SAMD5: variants seen among roughly 807,000 people sequenced by gnomAD.
The protein encoded by SAMD5 is sterile alpha motif domain-containing protein 5.
Under a neutral mutation model 11.3 loss-of-function variants are expected in SAMD5, and 13 were observed. That is an observed-to-expected ratio of 1.15 (90% CI 0.75 to 1.83). The LOEUF (loss-of-function observed/expected upper bound fraction) is 1.83. SAMD5 is among the 40% of genes most tolerant of loss of function. SAMD5 has a pLI of 0.00. For missense variants in SAMD5, 255 were observed against 239.1 expected, an observed-to-expected ratio of 1.07 and a Z score of -0.44; for synonymous variants, 129 against 111.3, an observed-to-expected ratio of 1.16 and a Z score of -1.00.
intron 1 of SAMD5, among the ~76,000 whole-genome samples, chr6:147,608,418 G>C (rs1411532324): frequency 1.3e-5 from 2 of 152,152 alleles, no homozygotes. Flanking sequence ...GAACAGATAA[G>C]AAAATGTGGT....
intron 1 of SAMD5, among the ~76,000 whole-genome samples, chr6:147,674,240 T>A (rs1790833314): frequency 6.6e-6 from 1 of 152,124 alleles, no homozygotes; most frequent in Non-Finnish European, 1.5e-5. Context: ...TTCTCCTAGG[T>A]AATGGAGATG....
the SAMD5 span, among the ~76,000 whole-genome samples, chr6:147,896,266 C>T: frequency 6.6e-6 from 1 of 151,912 alleles, no homozygotes; most frequent in Non-Finnish European, 1.5e-5. Context: ...ATAAGACGGC[C>T]AAGGTCTGAT....
the SAMD5 span, among the ~76,000 whole-genome samples, chr6:147,774,239 G>C: frequency 6.6e-6 from 1 of 152,090 alleles, no homozygotes; most frequent in Non-Finnish European, 1.5e-5. Flanking sequence ...ACTGTGGCCT[G>C]GTAGGGTTAG....
In SAMD5 at chr6:147,566,926, T is replaced by A. The variant is rs1461233574; in HGVS notation, c.*2470T>A. On this transcript the variant is annotated 3_prime_UTR_variant, in exon 2 of 2. Coordinates refer to ENST00000367474, the MANE Select transcript of SAMD5 (RefSeq NM_001030060.3). The stretch of plus-strand genomic sequence containing the variant: ...AGTAATTTTTTCAGCGTTTTTCCTC[T>A]GTATCTAAACACCAATAATATACTT... 1 of 904,258 alleles carries A rather than the reference T, an allele frequency of 1.1e-6. No homozygotes were observed. Among genetic ancestry groups the A allele is most frequent in the East Asian group, 1.2e-4 (1 of 8,398 alleles). The allele number at this position is 904,258 out of a possible 1,614,324, so 56.0% of individuals were successfully genotyped here.
the SAMD5 span, among the ~76,000 whole-genome samples, chr6:147,798,970 G>A: frequency 1.8e-4 from 27 of 152,254 alleles, no homozygotes; most frequent in South Asian, 2.9e-3. Context: ...GTCTCTACAC[G>A]TGAGATGGAT....
chr6:147,531,724 T>C (rs1367850255), intron 1 of SAMD5, among the ~76,000 whole-genome samples: 1 of 152,238 alleles, frequency 6.6e-6, no homozygotes, highest in Admixed American at 6.5e-5. Context: ...CAATTGGATA[T>C]ATGAAGTTGA....
intron 1 of SAMD5, among the ~76,000 whole-genome samples, chr6:147,632,968 A>G (rs1790173124): frequency 6.6e-6 from 1 of 151,278 alleles, no homozygotes; most frequent in African/African-American, 2.5e-5. Flanking sequence ...TTCCTTCCTT[A>G]TTAAGCACCT....
the SAMD5 span, among the ~76,000 whole-genome samples, chr6:147,839,474 C>T: frequency 9.9e-5 from 15 of 152,236 alleles, no homozygotes; most frequent in Admixed American, 4.6e-4. Flanking sequence ...TTGGGCCGGG[C>T]GCAATGGCTC....
the SAMD5 span, among the ~76,000 whole-genome samples, chr6:147,751,518 A>G: frequency 6.6e-6 from 1 of 152,204 alleles, no homozygotes; most frequent in Non-Finnish European, 1.5e-5. Context: ...CAGGGATCCA[A>G]AAGAATTATT....
At chr6:147,577,222 C>T (rs577265273) in intron 1 of SAMD5, among the ~76,000 whole-genome samples, 2 of 152,260 alleles carry the variant, frequency 1.3e-5, no homozygotes, top group Admixed American at 6.5e-5. Flanking sequence ...AATCAATAAC[C>T]GTCTTGCTGA....
At chr6:147,571,532 G>A (rs1410579195), downstream of SAMD5, among the ~76,000 whole-genome samples, 3 of 148,120 alleles carry the variant, frequency 2.0e-5, no homozygotes, top group Non-Finnish European at 4.4e-5. Flanking sequence ...GAGTACATTC[G>A]TGTAATTATG....
At chr6:147,559,689 T>G (rs1449936472) in intron 1 of SAMD5, among the ~76,000 whole-genome samples, 1 of 152,258 alleles carries the variant, frequency 6.6e-6, no homozygotes, top group African/African-American at 2.4e-5. Context: ...GGTAGTTGCC[T>G]CTAAAGTAAA....
chr6:147,851,184 T>C, the SAMD5 span, among the ~76,000 whole-genome samples: 7 of 152,128 alleles, frequency 4.6e-5, no homozygotes, highest in African/African-American at 1.7e-4. Context: ...CCCCAAGTGA[T>C]CCGCCTGCCT....
At chr6:147,901,633 A>G in the SAMD5 span, among the ~76,000 whole-genome samples, 1 of 151,360 alleles carries the variant, frequency 6.6e-6, no homozygotes, top group African/African-American at 2.4e-5. Context: ...GAACTAAAGT[A>G]TGAGGATAGG....
the SAMD5 span, among the ~76,000 whole-genome samples, chr6:147,924,548 C>T: frequency 6.7e-3 from 1,025 of 152,018 alleles, 13 homozygotes; most frequent in African/African-American, 0.024. Context: ...AGATGGTCAA[C>T]TAAATCCTTT....
the SAMD5 span, among the ~76,000 whole-genome samples, chr6:147,828,021 C>T: frequency 5.3e-5 from 8 of 151,820 alleles, no homozygotes; most frequent in African/African-American, 1.5e-4. Flanking sequence ...CTCCTGACCT[C>T]GTGATCTGCC....
chr6:147,634,469 G>A (rs1251658390), intron 1 of SAMD5, among the ~76,000 whole-genome samples: 1 of 152,090 alleles, frequency 6.6e-6, no homozygotes, highest in Non-Finnish European at 1.5e-5. Context: ...CTCCAACACT[G>A]GGGATCACAA....
the SAMD5 span, among the ~76,000 whole-genome samples, chr6:147,908,727 GA>G: frequency 6.6e-6 from 1 of 152,190 alleles, no homozygotes; most frequent in African/African-American, 2.4e-5. Flanking sequence ...AAAATTTTAG[GA>G]AAGAGATCGT....
At chr6:147,685,618 C>A (rs1790998466) in intron 1 of SAMD5, among the ~76,000 whole-genome samples, 1 of 152,174 alleles carries the variant, frequency 6.6e-6, no homozygotes, top group Non-Finnish European at 1.5e-5. Context: ...TTTACAATGG[C>A]AGTAGTGTCA....
Sources: allele counts gnomAD v4.1 joint callset (sites outside exome capture counted in the v4.1 genomes callset), GRCh38; gene constraint gnomAD v4.1.1; transcripts MANE v1.5; gene names NCBI Gene and HGNC (gene_info 2026-07-23, HGNC 2026-07-21).